Variants in TAFA1 observed in about 807,000 individuals in gnomAD.
The protein encoded by TAFA1 is TAFA chemokine like family member 1, also known as chemokine-like protein TAFA-1.
A neutral mutation model predicts 18.5 loss-of-function variants in TAFA1; 4 were observed. The ratio of observed to expected loss-of-function variants is 0.22; its 90% confidence interval spans 0.11 to 0.49. The LOEUF is 0.49. TAFA1 is among the 20% of genes least tolerant of loss of function. The probability of loss-of-function intolerance (pLI) is 0.98; values close to 1 mark genes in which losing one functional copy is unlikely to be tolerated. For missense variants in TAFA1, 147 were observed against 169.0 expected (o/e 0.87, Z 0.72); for synonymous variants, 56 against 55.2 (o/e 1.01, Z -0.06).
chr3:68,011,318 G>A (rs906923985), intron 2 of TAFA1, among the ~76,000 whole-genome samples: 6 of 151,898 alleles, frequency 4.0e-5, no homozygotes, highest in African/African-American at 1.5e-4. Context: ...TATCGACAGG[G>A]GTGTACGGAA....
intron 4 of TAFA1, among the ~76,000 whole-genome samples, chr3:68,540,896 G>A (rs957896702): frequency 2.6e-5 from 4 of 152,132 alleles, no homozygotes; most frequent in Admixed American, 6.6e-5. Context: ...GCATGTTGCA[G>A]ATGCACCCTA....
intron 4 of TAFA1, among the ~76,000 whole-genome samples, chr3:68,543,572 C>T (rs1442749254): frequency 2.0e-5 from 3 of 152,130 alleles, no homozygotes; most frequent in Non-Finnish European, 2.9e-5. Context: ...ACTGGCCCAA[C>T]ACAAATCCAC....
chr3:68,466,998 AG>A (rs2106937405), intron 3 of TAFA1, among the ~76,000 whole-genome samples: 1 of 152,276 alleles, frequency 6.6e-6, no homozygotes, highest in African/African-American at 2.4e-5. Flanking sequence ...TTCTTTTCCC[AG>A]GGCTGTTAAT....
chr3:68,155,721 G>A (rs958246451), intron 2 of TAFA1, among the ~76,000 whole-genome samples: 34 of 152,126 alleles, frequency 2.2e-4, no homozygotes, highest in African/African-American at 7.2e-4. Flanking sequence ...CACATGATAC[G>A]TGAAGATTGA....
chr3:68,031,148 A>G (rs1427079373), intron 2 of TAFA1, among the ~76,000 whole-genome samples: 2 of 152,196 alleles, frequency 1.3e-5, no homozygotes, highest in Admixed American at 6.6e-5. Flanking sequence ...TTTTTAGAAA[A>G]CAAAAATCCT....
chr3:68,494,487 A>C (rs1178146396), intron 3 of TAFA1, among the ~76,000 whole-genome samples: 1 of 152,122 alleles, frequency 6.6e-6, no homozygotes, highest in Non-Finnish European at 1.5e-5. Flanking sequence ...TATATATCCC[A>C]ATCTCCCTCA....
chr3:68,210,934 A>T (rs1386024464), intron 2 of TAFA1, among the ~76,000 whole-genome samples: 1 of 151,940 alleles, frequency 6.6e-6, no homozygotes, highest in Non-Finnish European at 1.5e-5. Flanking sequence ...TGTAAGCTTT[A>T]TGGGACTGGA....
At chr3:68,145,574 A>G (rs1196210724) in intron 2 of TAFA1, 3 of 1,485,802 alleles carry the variant, frequency 2.0e-6, no homozygotes, top group South Asian at 1.1e-5. Context: ...ACTTCCCCCA[A>G]TACCCAATGA....
rs563988961 is a variant in TAFA1 at position 68,521,533 on chromosome 3, G to A, written c.260-17223G>A. The stretch of plus-strand genomic sequence containing the variant: ...ATGAGGAAACATTTAAAATACGTGA[G>A]GAAATAGGAGCACAATACCATAGAA... On this transcript the variant is annotated intron_variant, in intron 3 of 4. Transcript: ENST00000478136. 3.5e-4 allele frequency among the ~76,000 whole-genome samples: 54 copies of A among 152,226 alleles called. No individual in the cohort carries two copies. The South Asian group carries it at 0.011, about 30-fold the overall frequency.
At chr3:68,300,700 G>A (rs1458823669) in intron 2 of TAFA1, among the ~76,000 whole-genome samples, 3 of 152,280 alleles carry the variant, frequency 2.0e-5, no homozygotes, top group African/African-American at 7.2e-5. Flanking sequence ...ATCATCACGT[G>A]TCAAGGGAGA....
At chr3:68,256,634 A>G (rs1218196857) in intron 2 of TAFA1, among the ~76,000 whole-genome samples, 1 of 152,180 alleles carries the variant, frequency 6.6e-6, no homozygotes, top group Non-Finnish European at 1.5e-5. Context: ...AGTTTAATGT[A>G]CATGGCCTTG....
chr3:68,328,918 A>T (rs2068817199), intron 2 of TAFA1, among the ~76,000 whole-genome samples: 1 of 152,068 alleles, frequency 6.6e-6, no homozygotes, highest in African/African-American at 2.4e-5. Flanking sequence ...GTTATGAAAT[A>T]AAAATCAAAT....
At chr3:68,480,618 G>A (rs2072215698) in intron 3 of TAFA1, among the ~76,000 whole-genome samples, 1 of 152,106 alleles carries the variant, frequency 6.6e-6, no homozygotes, top group Non-Finnish European at 1.5e-5. Context: ...AGAACCCTAG[G>A]TGTCTGTTTC....
chr3:68,370,353 T>TATATATATATATAC (rs776307736), intron 2 of TAFA1, among the ~76,000 whole-genome samples: 3 of 41,124 alleles, frequency 7.3e-5, no homozygotes, highest in African/African-American at 3.4e-4. Flanking sequence ...TATATATATA[T>TATATATATATATAC]ACACACACAC....
At chr3:68,108,950 T>C (rs1187670986) in intron 2 of TAFA1, among the ~76,000 whole-genome samples, 1 of 140,398 alleles carries the variant, frequency 7.1e-6, no homozygotes, top group Admixed American at 7.2e-5. Flanking sequence ...CATGTTGCCA[T>C]ATTCTACACA....
intron 2 of TAFA1, among the ~76,000 whole-genome samples, chr3:68,291,882 T>C (rs980466506): frequency 6.6e-6 from 1 of 152,168 alleles, no homozygotes; most frequent in Non-Finnish European, 1.5e-5. Context: ...TGTCCTGTCT[T>C]TAAAATCTAA....
At chr3:68,409,206 C>A (rs957602052) in intron 2 of TAFA1, among the ~76,000 whole-genome samples, 13 of 152,090 alleles carry the variant, frequency 8.5e-5, no homozygotes, top group African/African-American at 3.1e-4. Flanking sequence ...AATTTACACT[C>A]CCCCCTTAGC....
chr3:68,206,312 G>A (rs1159777076), intron 2 of TAFA1, among the ~76,000 whole-genome samples: 1 of 151,768 alleles, frequency 6.6e-6, no homozygotes. Flanking sequence ...ACAACCAATG[G>A]CAAACAGATA....
At chr3:68,230,275 A>C (rs553627755) in intron 2 of TAFA1, among the ~76,000 whole-genome samples, 20 of 146,508 alleles carry the variant, frequency 1.4e-4, no homozygotes, top group Admixed American at 1.1e-3. Flanking sequence ...GCAACCCCCC[A>C]ATGAACCTTC....
Sources: allele counts gnomAD v4.1 joint callset (sites outside exome capture counted in the v4.1 genomes callset), GRCh38; gene constraint gnomAD v4.1.1; transcripts MANE v1.5; gene names NCBI Gene and HGNC (gene_info 2026-07-23, HGNC 2026-07-21).